The following SAMD5 variants were observed in gnomAD, a reference collection of about 807,000 sequenced individuals.
The protein encoded by SAMD5 is sterile alpha motif domain containing 5.
In SAMD5, 13 loss-of-function variants were observed where a neutral mutation model predicts 11.3. The ratio of observed to expected loss-of-function variants is 1.15; its 90% CI spans 0.75 to 1.83. SAMD5 has a LOEUF of 1.83. SAMD5 is among the 40% of genes most tolerant of loss of function. The pLI, the probability that SAMD5 is intolerant of heterozygous loss-of-function variation, is 0.00. For synonymous variants in SAMD5, 129 were observed against 111.3 expected (o/e 1.16, Z -1.00); for missense variants, 255 against 239.1 (o/e 1.07, Z -0.44).
rs1242434331 is a variant in SAMD5, at chr6:147,532,279, C to T, written c.459+22892C>T. ...CCATTAGGTAGTCTTTTATCCCTCA[C>T]TCACTCCCTCCCACCTTCCCCCACC... On this transcript the variant is annotated intron_variant, in intron 1 of 1. Coordinates refer to ENST00000367474, the MANE Select transcript of SAMD5 (RefSeq NM_001030060.3). Among the ~76,000 whole-genome samples, 5 of 152,172 alleles carry T rather than the reference C, an allele frequency of 3.3e-5. No individual in the cohort carries two copies. In the East Asian group the frequency reaches 9.7e-4, roughly 29 times the overall value.
the SAMD5 span, among the ~76,000 whole-genome samples, chr6:147,870,124 C>T: frequency 6.6e-6 from 1 of 152,088 alleles, no homozygotes; most frequent in Admixed American, 6.6e-5. Context: ...AATGAGCCAC[C>T]TTTCAAGGGC....
At chr6:147,912,478 T>A in the SAMD5 span, among the ~76,000 whole-genome samples, 1 of 150,220 alleles carries the variant, frequency 6.7e-6, no homozygotes, top group East Asian at 1.9e-4. Flanking sequence ...TTTAAATAGC[T>A]ATTAAATAGA....
At chr6:147,935,868 G>A in the SAMD5 span, among the ~76,000 whole-genome samples, 2 of 152,138 alleles carry the variant, frequency 1.3e-5, no homozygotes, top group East Asian at 1.9e-4. Flanking sequence ...AGTAATTCTG[G>A]GGCTAAACTC....
chr6:147,560,695 GAAA>G (rs1232384440), intron 1 of SAMD5, among the ~76,000 whole-genome samples: 1 of 152,014 alleles, frequency 6.6e-6, no homozygotes, highest in African/African-American at 2.4e-5. Flanking sequence ...AATCAACTGA[GAAA>G]AAAATGCAAT....
intron 1 of SAMD5, among the ~76,000 whole-genome samples, chr6:147,525,513 C>A (rs147106482): frequency 1.3e-5 from 2 of 151,464 alleles, no homozygotes; most frequent in Non-Finnish European, 2.9e-5. Context: ...AATTGATATC[C>A]GAAGTGTTAG....
intron 1 of SAMD5, among the ~76,000 whole-genome samples, chr6:147,514,306 C>G (rs1477917954): frequency 6.6e-6 from 1 of 151,892 alleles, no homozygotes; most frequent in Non-Finnish European, 1.5e-5. Flanking sequence ...CACCAAAGAG[C>G]TCTCATTTCT....
the SAMD5 span, among the ~76,000 whole-genome samples, chr6:147,830,897 C>T: frequency 6.6e-6 from 1 of 152,146 alleles, no homozygotes; most frequent in Non-Finnish European, 1.5e-5. Context: ...GCAGTTTTTT[C>T]CCGCTATTGT....
At chr6:147,860,213 G>A in the SAMD5 span, among the ~76,000 whole-genome samples, 30 of 152,220 alleles carry the variant, frequency 2.0e-4, no homozygotes, top group South Asian at 3.9e-3. Flanking sequence ...TCTAATCTCC[G>A]CATGGACTGT....
intron 1 of SAMD5, among the ~76,000 whole-genome samples, chr6:147,731,980 A>C (rs1791722109): frequency 6.6e-6 from 1 of 152,180 alleles, no homozygotes; most frequent in African/African-American, 2.4e-5. Context: ...AGTAGAAAAC[A>C]AGGCTTTTGA....
the SAMD5 span, among the ~76,000 whole-genome samples, chr6:147,766,981 GACAAA>G: frequency 0.42 from 63,056 of 151,690 alleles, 15,339 homozygotes; most frequent in Middle Eastern, 0.55. Context: ...TTAATTGCAA[GACAAA>G]ACAAAATATA....
At chr6:147,630,300 A>G (rs1007559844) in intron 1 of SAMD5, among the ~76,000 whole-genome samples, 3 of 152,146 alleles carry the variant, frequency 2.0e-5, no homozygotes, top group African/African-American at 7.2e-5. Flanking sequence ...CATGAAAAAG[A>G]ATGGATCAAA....
chr6:147,901,447 C>T, the SAMD5 span, among the ~76,000 whole-genome samples: 2 of 152,194 alleles, frequency 1.3e-5, no homozygotes, highest in African/African-American at 4.8e-5. Flanking sequence ...CTAATCTTCT[C>T]CTTTCCTAAA....
At chr6:147,688,692 C>T (rs1361340390) in intron 1 of SAMD5, among the ~76,000 whole-genome samples, 1 of 152,208 alleles carries the variant, frequency 6.6e-6, no homozygotes, top group Non-Finnish European at 1.5e-5. Context: ...CCTGTGCTAG[C>T]TATCAGGCTC....
At position 147,691,333 on chromosome 6, in the gene SAMD5, C is replaced by G. The variant is rs1045178528; in HGVS notation, c.163-45984C>G. 3.3e-5 allele frequency among the ~76,000 whole-genome samples: 5 copies of G among 152,172 alleles called. 1 individual carries two copies. Among genetic ancestry groups the G allele is most frequent in the East Asian group, 1.9e-4 (1 of 5,172 alleles). On this transcript the variant is annotated intron_variant, in intron 1 of 1. Coordinates refer to the SAMD5 transcript ENST00000566741. ...TTTAGAGAGATATTTAACTCTATTC[C>G]CTAGCAGAAGGCAACTACTGTTTTT... is the stretch of plus-strand genomic sequence containing the variant.
At chr6:147,698,650 A>G (rs185317261) in intron 1 of SAMD5, among the ~76,000 whole-genome samples, 4 of 152,270 alleles carry the variant, frequency 2.6e-5, no homozygotes, top group Admixed American at 2.6e-4. Flanking sequence ...AGGATCTACC[A>G]TGTCCCCAGC....
At chr6:147,636,832 A>T (rs1173060845) in intron 1 of SAMD5, among the ~76,000 whole-genome samples, 2 of 152,244 alleles carry the variant, frequency 1.3e-5, no homozygotes, top group African/African-American at 4.8e-5. Flanking sequence ...CTAGCTGTCA[A>T]CTACTGCTAC....
intron 1 of SAMD5, among the ~76,000 whole-genome samples, chr6:147,624,142 T>C (rs1045173603): frequency 1.3e-5 from 2 of 152,218 alleles, no homozygotes; most frequent in Non-Finnish European, 2.9e-5. Flanking sequence ...AGTGCTGGGA[T>C]TACAGGCGAG....
chr6:147,713,944 G>A (rs933378170), intron 1 of SAMD5, among the ~76,000 whole-genome samples: 1 of 151,942 alleles, frequency 6.6e-6, no homozygotes, highest in African/African-American at 2.4e-5. Context: ...TATGTATTGA[G>A]ATGTGTTTTT....
chr6:147,786,330 T>C, the SAMD5 span, among the ~76,000 whole-genome samples: 6 of 150,638 alleles, frequency 4.0e-5, no homozygotes, highest in Non-Finnish European at 7.4e-5. Flanking sequence ...GAAAACACTA[T>C]TTTTTTCCAT....
Sources: allele counts gnomAD v4.1 joint callset (sites outside exome capture counted in the v4.1 genomes callset), GRCh38; gene constraint gnomAD v4.1.1; transcripts MANE v1.5; gene names NCBI Gene and HGNC (gene_info 2026-07-23, HGNC 2026-07-21).